The following CFAP69 variants were observed in gnomAD, a reference collection of about 807,000 sequenced individuals.
The protein encoded by CFAP69 is cilia- and flagella-associated protein 69.
A neutral mutation model predicts 123.0 loss-of-function variants in CFAP69; 92 were observed. The observed-to-expected ratio is 0.75, with a 90% CI of 0.63 to 0.89. The LOEUF is 0.89. Ranked by LOEUF, CFAP69 falls within the 40% of genes least tolerant of loss-of-function variation. The pLI is 0.00. For missense variants in CFAP69, 1,067 were observed against 1,096.9 expected, an observed-to-expected ratio of 0.97 and a Z score of 0.39; for synonymous variants, 380 against 364.3, an observed-to-expected ratio of 1.04 and a Z score of -0.49.
In CFAP69 at chr7:90,271,904, A is replaced by G; in HGVS notation, c.806A>G (p.Glu269Gly). ...RSSEILWNLL[E>G]KSSKEEVIQQ... ...TCAGAAATACTTTGGAACTTGCTGG[A>G]AAAATCTTCAAAAGAAGAAGTCATA... is the stretch of plus-strand genomic sequence containing the variant. Residue 269 changes from glutamate (E) to glycine (G), a missense_variant, in exon 8 of 23, where the codon GAA becomes GGA. Transcript: ENST00000389297. 1 of 1,613,022 alleles carries G rather than the reference A, an allele frequency of 6.2e-7. No homozygotes were observed. The highest frequency in any genetic ancestry group is 8.5e-7 in the Non-Finnish European group (1 of 1,179,388).
At position 90,303,985 on chromosome 7, in the gene CFAP69, A is replaced by G. The variant is rs1311205409; in HGVS notation, c.2067A>G (p.Leu689=). 1 of 1,549,966 alleles carries G rather than the reference A, an allele frequency of 6.5e-7. No individual in the cohort carries two copies. The highest frequency in any genetic ancestry group is 8.7e-7 in the Non-Finnish European group (1 of 1,146,008). The change falls in exon 18 of 23, where the codon CTA becomes CTG. Residue 689 remains leucine (L), a synonymous_variant. Coordinates refer to ENST00000389297, the MANE Select transcript of CFAP69 (RefSeq NM_001039706.3). ...NGKIIDTKKP[L]FTSFQEEQKI... ...AATGATTAGATACAAAAAAACCTCT[A>G]TTTACTAGCTTTCAAGAAGAGCAAA...
downstream of CFAP69, among the ~76,000 whole-genome samples, chr7:90,313,710 GA>G (rs537519376): frequency 1.0e-4 from 14 of 137,856 alleles, no homozygotes; most frequent in African/African-American, 3.7e-4. Flanking sequence ...GAAAGGAAGG[GA>G]AAAAAGGAAG....
intron 1 of CFAP69, among the ~76,000 whole-genome samples, chr7:90,254,147 G>A (rs2116616392): frequency 6.6e-6 from 1 of 152,252 alleles, no homozygotes; most frequent in East Asian, 1.9e-4. Context: ...ATTTGGCTGT[G>A]AATGCAGGGA....
chr7:90,245,563 G>T lies in CFAP69; in HGVS notation c.120+19G>T. The T allele has an allele frequency of 2.1e-6, 3 of 1,462,844 alleles. No homozygotes were observed. Among genetic ancestry groups the T allele is most frequent in the Non-Finnish European group, 2.7e-6 (3 of 1,106,588 alleles). The allele number at this position is 1,462,844 out of a possible 1,614,324, so 90.6% of individuals were successfully genotyped here. A position where few individuals can be genotyped will look rare whatever the true frequency, so the allele number is the denominator to read the frequency against. ...GGCGCAGGTATGAGCAGGTGTCTGT[G>T]CTTTCAGAGGTGGAGGGGGTGGGAG... On this transcript the variant is annotated intron_variant, in intron 1 of 22. Coordinates refer to ENST00000389297, the MANE Select transcript of CFAP69 (RefSeq NM_001039706.3).
intron 13 of CFAP69, among the ~76,000 whole-genome samples, chr7:90,285,094 A>G (rs193177279): frequency 2.6e-5 from 4 of 152,324 alleles, no homozygotes; most frequent in Non-Finnish European, 5.9e-5. Context: ...GCACCCAGGT[A>G]GGAAGAAGAA....
At chr7:90,305,125 G>A (rs539262958) in intron 19 of CFAP69, among the ~76,000 whole-genome samples, 6 of 152,022 alleles carry the variant, frequency 3.9e-5, no homozygotes, top group East Asian at 2.0e-4. Flanking sequence ...GGTGGATAAC[G>A]AGGTCAGGAG....
chr7:90,322,237 C>T, the CFAP69 span: 3 of 152,288 alleles, frequency 2.0e-5, no homozygotes, highest in Non-Finnish European at 4.4e-5. Flanking sequence ...AGGACCACCT[C>T]CTGCACAAAA....
chr7:90,294,228 G>A (rs1016221411), intron 15 of CFAP69, among the ~76,000 whole-genome samples: 3 of 152,122 alleles, frequency 2.0e-5, no homozygotes, highest in Admixed American at 6.6e-5. Context: ...ATTTATGACC[G>A]TAAAGTATTT....
chr7:90,253,539 C>T (rs983814144), intron 1 of CFAP69, among the ~76,000 whole-genome samples: 1 of 151,962 alleles, frequency 6.6e-6, no homozygotes, highest in African/African-American at 2.4e-5. Flanking sequence ...TACAGGTGCC[C>T]GCCATCACAC....
At chr7:90,286,555 T>C (rs887514396) in intron 14 of CFAP69, 156 bp downstream of exon 14, 7 of 661,756 alleles carry the variant, frequency 1.1e-5, no homozygotes, top group African/African-American at 9.2e-5. Flanking sequence ...GTACAGAATA[T>C]ACAACAGTAT....
At position 90,264,103 on chromosome 7, in the gene CFAP69, AAATATATATATATAT is replaced by A. The variant is rs1322373728; in HGVS notation, c.357-1196_357-1182del. On this transcript the variant is annotated intron_variant, in intron 4 of 22. Transcript: ENST00000389297. ...AAGACTCCATCTCGAAAAAAAAAAA[AAATATATATATATAT>A]ATATATATATATATATATATATATA... is the stretch of plus-strand genomic sequence containing the variant. Among the ~76,000 whole-genome samples the A allele has an allele frequency of 5.8e-4, 19 of 32,704 alleles. 2 individuals carry two copies. Among genetic ancestry groups the A allele is most frequent in the Middle Eastern group, 0.01 (1 of 100 alleles). 21.5% of individuals were successfully genotyped at this position (32,704 alleles called of 152,430 possible). A position where few individuals can be genotyped will look rare whatever the true frequency, so the allele number is the denominator to read the frequency against.
rs184665029 is a variant in CFAP69, at chr7:90,306,271, C to T, written c.2266-630C>T. On this transcript the variant is annotated intron_variant, in intron 19 of 22. Coordinates refer to ENST00000389297, the MANE Select transcript of CFAP69 (RefSeq NM_001039706.3). ...ATTTTTTTCTTTAATTTTATGGGTC[C>T]AGCACACTTCTGCTGCACAACTCTG... Among the ~76,000 whole-genome samples, 211 of 152,158 alleles carry T rather than the reference C, an allele frequency of 1.4e-3. 4 individuals are homozygous for T. The highest frequency in any genetic ancestry group is 0.014 in the Admixed American group (208 of 15,268).
chr7:90,283,139 T>A, intron 13 of CFAP69, 83 bp downstream of exon 13: 1 of 1,052,702 alleles, frequency 9.5e-7, no homozygotes, highest in Non-Finnish European at 1.3e-6. Flanking sequence ...TTTCCAAAAT[T>A]TATTTTGTCT....
At position 90,268,387 on chromosome 7, in the gene CFAP69, G is replaced by T; in HGVS notation, c.532+3G>T. The T allele has an allele frequency of 1.3e-6, 2 of 1,597,632 alleles. No individual in the cohort carries two copies. The highest frequency in any genetic ancestry group is 1.1e-5 in the South Asian group (1 of 89,878). ...ACCACCAAAGAAGCATATTCCAGGT[G>T]AAGTTTACAATGGTCTTTCAGTGAT... On this transcript the variant is annotated splice_donor_region_variant and intron_variant, in intron 6 of 22. Coordinates refer to ENST00000389297, the MANE Select transcript of CFAP69 (RefSeq NM_001039706.3).
rs116861644 is a variant in CFAP69 at position 90,267,985 on chromosome 7, T to A, written c.434-301T>A. On this transcript the variant is annotated intron_variant, in intron 5 of 22. Coordinates refer to ENST00000389297, the MANE Select transcript of CFAP69 (RefSeq NM_001039706.3). ...TGGGTAGTAAATGGCATAGCCAGGA[T>A]TTAACCTTAGACAGTCTGGTTCTAG... 4.1e-3 allele frequency among the ~76,000 whole-genome samples: 618 copies of A among 152,302 alleles called. 1 individual carries two copies. Among genetic ancestry groups the A allele is most frequent in the Non-Finnish European group, 6.7e-3 (456 of 68,024 alleles).
In CFAP69 at chr7:90,271,884, A is replaced by C; in HGVS notation, c.786A>C (p.Glu262Asp). 6.2e-7 allele frequency: 1 copy of C among 1,612,446 alleles called. No individual in the cohort carries two copies. The highest frequency in any genetic ancestry group is 2.2e-5 in the East Asian group (1 of 44,832). ...PSGQLLFRSSEILWNLLEKSS... is the reference protein window; with the variant it reads ...PSGQLLFRSSDILWNLLEKSS... ...GACAGCTTTTATTTCGTTCATCAGA[A>C]ATACTTTGGAACTTGCTGGAAAAAT... Residue 262 changes from glutamate (E) to aspartate (D), a missense_variant, in exon 8 of 23, where the codon GAA becomes GAC. Transcript: ENST00000389297.
At chr7:90,266,967 A>G (rs1799246063) in intron 5 of CFAP69, among the ~76,000 whole-genome samples, 1 of 152,196 alleles carries the variant, frequency 6.6e-6, no homozygotes, top group Non-Finnish European at 1.5e-5. Flanking sequence ...GGGATTATGA[A>G]ACAGGAAGCT....
At chr7:90,288,085 T>C in intron 14 of CFAP69, 149 bp from the exon 15 acceptor site, 2 of 569,064 alleles carry the variant, frequency 3.5e-6, no homozygotes, top group Middle Eastern at 5.2e-4. Context: ...GTAAGTACGG[T>C]TTTTTAAATT....
At chr7:90,319,861 T>C in the CFAP69 span, 125 of 397,418 alleles carry the variant, frequency 3.1e-4, no homozygotes, top group African/African-American at 2.4e-3. Context: ...TCAAGCCAAA[T>C]CTGCTTACTA....
Sources: gnomAD v4.1 joint callset for allele counts (sites outside exome capture counted in the v4.1 genomes callset) on GRCh38, gnomAD v4.1.1 for gene constraint, MANE v1.5 for transcripts, NCBI Gene and HGNC (gene_info 2026-07-23, HGNC 2026-07-21) for gene names.